The following LY6K variants were observed in gnomAD, a reference collection of about 807,000 sequenced individuals.
The protein encoded by LY6K is lymphocyte antigen 6 family member K.
LY6K carries 9 observed loss-of-function variants against 10.4 expected under a neutral mutation model. The ratio of observed to expected loss-of-function variants is 0.87; its 90% CI spans 0.52 to 1.52. The LOEUF (loss-of-function observed/expected upper bound fraction) is 1.52, where lower values mean the gene tolerates loss of function less well. Ranked by LOEUF, LY6K falls within the 40% of genes most tolerant of loss-of-function variation. LY6K has a pLI of 0.00. For missense variants in LY6K, 217 were observed against 211.7 expected, an observed-to-expected ratio of 1.02 and a Z score of -0.15; for synonymous variants, 98 against 83.7, an observed-to-expected ratio of 1.17 and a Z score of -0.94.
chr8:142,700,661 G>T (rs906467734), intron 1 of LY6K, 31 bp downstream of exon 1: 14 of 1,462,798 alleles, frequency 9.6e-6, no homozygotes, highest in Non-Finnish European at 1.3e-5. Context: ...ACAGCCACGG[G>T]CCGAGAGGAC....
At chr8:142,701,783 C>T in intron 2 of LY6K, 70 bp downstream of exon 2, 2 of 955,194 alleles carry the variant, frequency 2.1e-6, no homozygotes, top group Non-Finnish European at 3.4e-6. Context: ...TCAGGGCTGT[C>T]TAGTTTTCCT....
At chr8:142,702,443 G>C (rs1220784500) in intron 2 of LY6K, 10 of 1,513,364 alleles carry the variant, frequency 6.6e-6, no homozygotes, top group Non-Finnish European at 8.9e-6. Flanking sequence ...GAAAACCTCT[G>C]GGTACATGAA....
chr8:142,700,296 G>A lies in LY6K; in HGVS notation c.-232G>A. On this transcript the variant is annotated 5_prime_UTR_variant, in exon 1 of 3. Transcript: ENST00000292430. ...CTGGCCGCCGGCCGCTCCAACAGCA[G>A]CACAAGGCGGGACTCAGAACCGGCG... 2 of 1,257,464 alleles carry A rather than the reference G, an allele frequency of 1.6e-6. No individual in the cohort carries two copies. The highest frequency in any genetic ancestry group is 2.3e-5 in the South Asian group (1 of 43,856). 77.9% of individuals were successfully genotyped at this position (1,257,464 alleles called of 1,614,324 possible).
chr8:142,702,117 C>G (rs782426436), intron 2 of LY6K: 2 of 285,384 alleles, frequency 7.0e-6, no homozygotes, highest in Non-Finnish European at 6.6e-6. Context: ...CCTTTTTTTC[C>G]CTTTAAAATG....
At chr8:142,702,089 G>GT in intron 2 of LY6K, 1 of 276,388 alleles carries the variant, frequency 3.6e-6, no homozygotes, top group Non-Finnish European at 6.9e-6. Context: ...GATTACAAGC[G>GT]TAAGCCACCG....
At chr8:142,701,835 T>TA (rs1491571063) in intron 2 of LY6K, 122 bp downstream of exon 2, 12 of 613,362 alleles carry the variant, frequency 2.0e-5, no homozygotes, top group Non-Finnish European at 3.5e-5. Flanking sequence ...TTTTTTTTTT[T>TA]ATTTTCTGAG....
rs1281820145 is a variant in LY6K, at chr8:142,703,734, T to A, written c.*363T>A. ...AGTACCACTCATGGAGAGTATGTGC[T>A]GAGATGCTTCCGACCTTTCAGGTGA... On this transcript the variant is annotated 3_prime_UTR_variant, in exon 3 of 3. Transcript: ENST00000292430. 1 of 235,010 alleles carries A rather than the reference T, an allele frequency of 4.3e-6. No homozygotes were observed. Among genetic ancestry groups the A allele is most frequent in the African/African-American group, 2.3e-5 (1 of 44,426 alleles). 14.6% of individuals were successfully genotyped at this position (235,010 alleles called of 1,614,324 possible). A position where few individuals can be genotyped will look rare whatever the true frequency, so the allele number is the denominator to read the frequency against.
intron 2 of LY6K, chr8:142,702,569 A>C (rs1815081880): frequency 6.5e-7 from 1 of 1,535,680 alleles, no homozygotes; most frequent in South Asian, 1.2e-5. Context: ...GTATCCACGA[A>C]GTTGGTGGGG....
Position 142,700,628 on chromosome 8 carries a change from C to T in LY6K, c.101C>T (p.Thr34Met), listed in dbSNP as rs782285963. 3.9e-6 allele frequency: 6 copies of T among 1,538,276 alleles called. No homozygotes were observed. The highest frequency in any genetic ancestry group is 1.9e-5 in the Admixed American group (1 of 51,862). The change falls in exon 1 of 3, where the codon ACG (threonine) becomes ATG (methionine). Residue 34 changes from threonine to methionine, a missense_variant and splice_region_variant. Physicochemically the swap from Thr to Met is moderately conservative, Grantham distance 81. Transcript: ENST00000292430. ...RQRDPEDSQR[T>M]DEGDNRVWCH... ...CGAGATCCAGAGGACTCCCAGCGAA[C>T]GGGTGAGCCTGGCTCGCCCTCCACA...
chr8:142,703,448 T>TG lies in LY6K; in HGVS notation c.*78dup. The stretch of plus-strand genomic sequence containing the variant: ...CCGTTGTCACCTGTTGCATTAAACT[T>TG]GTTTTCTGTTGATTACCTCTTGGTT... On this transcript the variant is annotated 3_prime_UTR_variant, in exon 3 of 3. Transcript: ENST00000292430. The TG allele has an allele frequency of 6.6e-7, 1 of 1,505,258 alleles. No individual in the cohort carries two copies. Among genetic ancestry groups the TG allele is most frequent in the South Asian group, 1.3e-5 (1 of 75,776 alleles). 93.2% of individuals were successfully genotyped at this position (1,505,258 alleles called of 1,614,324 possible).
At position 142,703,359 on chromosome 8, in the gene LY6K, C is replaced by T. The variant is rs1554640514; in HGVS notation, c.486C>T (p.Leu162=). The change falls in exon 3 of 3, where the codon CTC becomes CTT. Residue 162 remains leucine, a synonymous_variant. Transcript: ENST00000292430. ...TGCTGGCCTCCATTGCAGCCGGCCT[C>T]AGCCTGTCTTGAGCCACGGGACTGC... The part of the protein sequence containing the change: ...LLLLASIAAG[L]SLS The T allele has an allele frequency of 2.5e-6, 4 of 1,610,538 alleles. No homozygotes were observed. The highest frequency in any genetic ancestry group is 3.4e-6 in the Non-Finnish European group (4 of 1,178,934).
rs151014407 is a variant in LY6K at position 142,703,376 on chromosome 8, C to T, written c.*5C>T. The T allele has an allele frequency of 1.2e-5, 20 of 1,606,732 alleles. No homozygotes were observed. Among genetic ancestry groups the T allele is most frequent in the South Asian group, 5.5e-5 (5 of 90,814 alleles). ...GCCGGCCTCAGCCTGTCTTGAGCCA[C>T]GGGACTGCCACAGACTGAGCCTTCC... On this transcript the variant is annotated 3_prime_UTR_variant, in exon 3 of 3. Coordinates refer to ENST00000292430, the MANE Select transcript of LY6K (RefSeq NM_017527.4).
intron 1 of LY6K, among the ~76,000 whole-genome samples, 190 bp from the exon 2 acceptor site, chr8:142,701,410 C>T (rs1554640098): frequency 1.3e-5 from 2 of 152,180 alleles, no homozygotes; most frequent in African/African-American, 4.8e-5. Flanking sequence ...AAGCGGGCAG[C>T]TCTTACGTGG....
intron 1 of LY6K, 22 bp downstream of exon 1, chr8:142,700,652 C>T (rs587728117): frequency 1.4e-4 from 212 of 1,483,292 alleles, no homozygotes; most frequent in Non-Finnish European, 1.8e-4. Flanking sequence ...TCGCCCTCCA[C>T]AGCCACGGGC....
Position 142,700,423 on chromosome 8 carries a change from C to A in LY6K, c.-105C>A. ...CGCGCCCCGGGGCGGGCGGGGCTCC[C>A]CCTACCGGCCAGACCCGGGGAGAGG... On this transcript the variant is annotated 5_prime_UTR_variant, in exon 1 of 3. Transcript: ENST00000292430. 1 of 1,380,904 alleles carries A rather than the reference C, an allele frequency of 7.2e-7. No homozygotes were observed. The highest frequency in any genetic ancestry group is 9.4e-7 in the Non-Finnish European group (1 of 1,068,788). 85.5% of individuals were successfully genotyped at this position (1,380,904 alleles called of 1,614,324 possible).
chr8:142,702,578 G>T (rs1345282603), intron 2 of LY6K: 2 of 1,535,574 alleles, frequency 1.3e-6, no homozygotes, highest in Non-Finnish European at 1.7e-6. Flanking sequence ...AAGTTGGTGG[G>T]GTGCTGAGGT....
chr8:142,702,075 C>A, intron 2 of LY6K: 1 of 284,592 alleles, frequency 3.5e-6, no homozygotes, highest in South Asian at 4.5e-5. Context: ...CCCCAAAGTG[C>A]TGGGATTACA....
intron 1 of LY6K, 39 bp from the exon 2 acceptor site, chr8:142,701,561 A>C: frequency 1.5e-6 from 2 of 1,376,682 alleles, no homozygotes; most frequent in East Asian, 2.3e-5. Flanking sequence ...GGCACGGAGA[A>C]CTGGAACATT....
Position 142,704,521 on chromosome 8 carries a change from G to C in LY6K, c.*1150G>C, listed in dbSNP as rs192461456. On this transcript the variant is annotated 3_prime_UTR_variant, in exon 3 of 3. Coordinates refer to ENST00000292430, the MANE Select transcript of LY6K (RefSeq NM_017527.4). ...GAAGGGCTCTCTGGTGAAGCTTTCC[G>C]GGGTGACGATTTCCTGGGTGTTTTC... The C allele has an allele frequency of 6.6e-6, 1 of 152,190 alleles. No homozygotes were observed. The highest frequency in any genetic ancestry group is 6.5e-5 in the Admixed American group (1 of 15,284). The allele number at this position is 152,190 out of a possible 1,614,324, so 9.4% of individuals were successfully genotyped here.
Sources: gnomAD v4.1 joint callset for allele counts (sites outside exome capture counted in the v4.1 genomes callset) on GRCh38, gnomAD v4.1.1 for gene constraint, MANE v1.5 for transcripts, NCBI Gene and HGNC (gene_info 2026-07-23, HGNC 2026-07-21) for gene names.